The following NAV2 variants were observed in gnomAD, a reference collection of about 807,000 sequenced individuals.
NAV2 encodes helicase, APC down-regulated 1.
NAV2 carries 54 observed loss-of-function variants against 223.2 expected under a neutral mutation model. That is an observed-to-expected ratio of 0.24 (90% CI 0.19 to 0.30). The LOEUF (loss-of-function observed/expected upper bound fraction) is 0.30. Among genes scored for constraint, NAV2 ranks in the 10% least tolerant of loss-of-function variants. NAV2 has a pLI of 1.00. For synonymous variants in NAV2, 1,279 were observed against 1,239.3 expected (o/e 1.03, Z -0.67); for missense variants, 2,806 against 3,147.5 (o/e 0.89, Z 2.60).
chr11:20,081,749 C>T (rs767835530), intron 25 of NAV2, among the ~76,000 whole-genome samples: 4 of 152,122 alleles, frequency 2.6e-5, no homozygotes, highest in Admixed American at 2.0e-4. Context: ...TTAGAATGGC[C>T]TGTTTTCTGA....
chr11:20,022,831 T>G (rs1015325997), intron 11 of NAV2: 1 of 1,270,048 alleles, frequency 7.9e-7, no homozygotes, highest in Admixed American at 3.8e-5. Flanking sequence ...GCTTTTGCTT[T>G]GCTGAAACTT....
chr11:19,508,353 G>T lies in NAV2; in HGVS notation c.75+157326G>T, dbSNP rs565977204. Among the ~76,000 whole-genome samples the T allele has an allele frequency of 6.6e-4, 101 of 152,152 alleles. 1 individual carries two copies. Among genetic ancestry groups the T allele is most frequent in the Admixed American group, 2.0e-3 (31 of 15,278 alleles). On this transcript the variant is annotated intron_variant, in intron 1 of 37. Coordinates refer to the NAV2 transcript ENST00000360655. ...CAGGGCTCTATGGATGCTGACCTTT[G>T]TCCTCTTCCAAACTAAAGAAAAACA...
chr11:19,352,613 G>T (rs1431944392), intron 1 of NAV2, among the ~76,000 whole-genome samples: 1 of 152,156 alleles, frequency 6.6e-6, no homozygotes, highest in South Asian at 2.1e-4. Context: ...TTGAACTCTA[G>T]CCGTCATGGC....
At chr11:19,961,096 T>A (rs2048324512) in intron 10 of NAV2, among the ~76,000 whole-genome samples, 1 of 152,156 alleles carries the variant, frequency 6.6e-6, no homozygotes, top group Non-Finnish European at 1.5e-5. Flanking sequence ...ATATTTCTTT[T>A]CTTTTTTTAA....
chr11:19,693,806 C>A (rs1010484776), intron 1 of NAV2, among the ~76,000 whole-genome samples: 6 of 152,144 alleles, frequency 3.9e-5, no homozygotes, highest in African/African-American at 1.4e-4. Context: ...ACATGGAAGA[C>A]CCTGGCTTGA....
intron 11 of NAV2, among the ~76,000 whole-genome samples, chr11:19,997,369 G>A (rs1243235201): frequency 6.6e-6 from 1 of 152,124 alleles, no homozygotes; most frequent in African/African-American, 2.4e-5. Flanking sequence ...TGTCAGTGTG[G>A]TAGCAACTCA....
chr11:19,880,707 G>A (rs1186951760), intron 5 of NAV2, among the ~76,000 whole-genome samples: 1 of 152,180 alleles, frequency 6.6e-6, no homozygotes, highest in East Asian at 1.9e-4. Flanking sequence ...AATCTGCAGG[G>A]TTGGGGTCTG....
rs762113930 is a variant in NAV2 at position 20,044,144 on chromosome 11, C to T, written c.3071C>T (p.Ser1024Leu). ...DVSDESDKSTSGKKNPVISQT... is the reference protein window; with the variant it reads ...DVSDESDKSTLGKKNPVISQT... Reference sequence around the variant, plus strand: ...TCTGACGAGTCCGACAAAAGCACGTCGGGCAAGAAGAATCCTGTCATCTCC... The same window carrying T: ...TCTGACGAGTCCGACAAAAGCACGTTGGGCAAGAAGAATCCTGTCATCTCC... The change falls in exon 13 of 38, where the codon TCG becomes TTG. Residue 1024 changes from serine to leucine, a missense_variant. This residue lies in a region of NAV2 where 742 missense variants were observed against 777.9 expected (regional missense o/e 0.95). Coordinates refer to ENST00000349880, the MANE Select transcript of NAV2 (RefSeq NM_145117.5). The T allele has an allele frequency of 1.5e-5, 24 of 1,614,010 alleles. No individual in the cohort carries two copies. In the East Asian group the frequency reaches 2.0e-4, roughly 13 times the overall value.
At chr11:19,562,068 C>G (rs1000247647) in intron 1 of NAV2, among the ~76,000 whole-genome samples, 8 of 152,244 alleles carry the variant, frequency 5.3e-5, no homozygotes, top group African/African-American at 1.9e-4. Context: ...ACACTGCATT[C>G]ATTTAATCTT....
intron 10 of NAV2, among the ~76,000 whole-genome samples, chr11:19,978,289 A>T (rs999260253): frequency 6.6e-6 from 1 of 152,134 alleles, no homozygotes; most frequent in Non-Finnish European, 1.5e-5. Context: ...GCATCCTAAT[A>T]AACTCAGAGA....
chr11:19,942,158 G>A (rs1293965497), intron 8 of NAV2, among the ~76,000 whole-genome samples: 9 of 152,212 alleles, frequency 5.9e-5, no homozygotes, highest in Non-Finnish European at 1.2e-4. Context: ...ACTGGAGCTC[G>A]ATTGTGTTTT....
At position 20,093,217 on chromosome 11, in the gene NAV2, C is replaced by G. The variant is rs1554961501; in HGVS notation, c.5916+18C>G. 13 of 1,535,218 alleles carry G rather than the reference C, an allele frequency of 8.5e-6. No homozygotes were observed. The highest frequency in any genetic ancestry group is 5.6e-5 in the South Asian group (5 of 89,224). On this transcript the variant is annotated intron_variant, in intron 29 of 37. Transcript: ENST00000349880. The stretch of plus-strand genomic sequence containing the variant: ...GGAAGGAGGTTAGTTGGATCCCTTT[C>G]CCTGCTTTGCCTGTCCCTCCCCCAG...
chr11:19,470,143 C>T (rs1254995569), intron 1 of NAV2, among the ~76,000 whole-genome samples: 3 of 152,226 alleles, frequency 2.0e-5, no homozygotes, highest in Non-Finnish European at 1.5e-5. Flanking sequence ...GACCTGTTGG[C>T]TTCCCTGATC....
intron 1 of NAV2, among the ~76,000 whole-genome samples, chr11:19,642,859 C>A (rs903357535): frequency 6.6e-6 from 1 of 152,182 alleles, no homozygotes; most frequent in African/African-American, 2.4e-5. Context: ...CATGCACCAA[C>A]CCTGTATTCA....
chr11:19,968,460 T>A (rs1200976023), intron 10 of NAV2, among the ~76,000 whole-genome samples: 2 of 152,194 alleles, frequency 1.3e-5, no homozygotes, highest in African/African-American at 4.8e-5. Flanking sequence ...CCTCAGGTGA[T>A]CCACCCACCT....
At chr11:19,585,913 T>G (rs1393277563) in intron 1 of NAV2, among the ~76,000 whole-genome samples, 2 of 152,216 alleles carry the variant, frequency 1.3e-5, no homozygotes, top group Non-Finnish European at 2.9e-5. Flanking sequence ...TTTCCTGAAT[T>G]TGAATATTGG....
chr11:19,890,504 C>T (rs556938124), intron 5 of NAV2, among the ~76,000 whole-genome samples: 1 of 152,314 alleles, frequency 6.6e-6, no homozygotes, highest in South Asian at 2.1e-4. Context: ...TGGTAGAATA[C>T]TGTGACCTGC....
chr11:19,522,216 G>A (rs964077959), intron 1 of NAV2, among the ~76,000 whole-genome samples: 1 of 152,130 alleles, frequency 6.6e-6, no homozygotes, highest in African/African-American at 2.4e-5. Flanking sequence ...CTGCAGAACA[G>A]CAAGAAGGTG....
In NAV2 at chr11:19,948,918, G is replaced by A; in HGVS notation, c.2483G>A (p.Arg828Lys). The A allele has an allele frequency of 6.2e-7, 1 of 1,614,166 alleles. No homozygotes were observed. The highest frequency in any genetic ancestry group is 1.1e-5 in the South Asian group (1 of 91,084). The change falls in exon 10 of 38, where the codon AGA becomes AAA. Residue 828 changes from arginine (R) to lysine (K), a missense_variant. This residue lies in a region of NAV2 where 1,167 missense variants were observed against 1,180.5 expected (regional missense o/e 0.99). Transcript: ENST00000349880. The part of the protein sequence containing the change: ...SGRYVYSAPL[R>K]RQLASRGSSV... Reference sequence around the variant, plus strand: ...CGCTATGTGTACTCCGCCCCTCTGAGAAGGCAGCTGGCCTCCCGGGGCAGT... The same window carrying A: ...CGCTATGTGTACTCCGCCCCTCTGAAAAGGCAGCTGGCCTCCCGGGGCAGT...
Sources: gnomAD v4.1 joint callset for allele counts (sites outside exome capture counted in the v4.1 genomes callset) on GRCh38, gnomAD v4.1.1 for gene constraint, gnomAD v4.1.1 regional missense constraint, MANE v1.5 for transcripts, NCBI Gene and HGNC (gene_info 2026-07-23, HGNC 2026-07-21) for gene names.